PLAC1: variants seen among roughly 807,000 people sequenced by gnomAD.
The protein encoded by PLAC1 is placenta associated 1, also known as placenta-specific protein 1.
For missense variants in PLAC1, 136 were observed against 163.2 expected (o/e 0.83, Z 0.91); for synonymous variants, 68 against 62.1 (o/e 1.09, Z -0.44).
chrX:134,722,929 T>A (rs1050164967), intron 2 of PLAC1, among the ~76,000 whole-genome samples: 3 of 109,512 alleles, frequency 2.7e-5, no homozygotes, highest in Non-Finnish European at 5.7e-5. Context: ...GAGGACTGTT[T>A]GAGTCCAGGA....
intron 1 of PLAC1, among the ~76,000 whole-genome samples, chrX:134,608,847 T>G (rs2078137096): frequency 9.2e-6 from 1 of 109,278 alleles, no homozygotes; most frequent in African/African-American, 3.3e-5. Context: ...GGCTAATTTT[T>G]TATATTTTAG....
In PLAC1 at chrX:134,729,792, T is replaced by G. The variant is rs761523726; in HGVS notation, n.174+3643A>C. Among the ~76,000 whole-genome samples, 107 of 111,699 alleles carry G rather than the reference T, an allele frequency of 9.6e-4. 1 individual carries two copies. Among genetic ancestry groups the G allele is most frequent in the African/African-American group, 2.7e-3 (84 of 30,711 alleles). On this transcript the variant is annotated intron_variant and non_coding_transcript_variant, in intron 2 of 2. Coordinates refer to the PLAC1 transcript ENST00000466797. ...TTCTTTTTCTTTCTTTCTATCTTTT[T>G]TTTTGTTTTGTTTTTCGAGACGGAG...
intron 1 of PLAC1, among the ~76,000 whole-genome samples, chrX:134,740,008 G>A (rs1050474615): frequency 1.8e-5 from 2 of 111,659 alleles, no homozygotes; most frequent in African/African-American, 3.3e-5. Flanking sequence ...TTCAAAAGTC[G>A]AATGGATCAT....
chrX:134,618,809 A>G (rs952573645), intron 1 of PLAC1, among the ~76,000 whole-genome samples: 32 of 111,794 alleles, frequency 2.9e-4, no homozygotes, highest in Non-Finnish European at 1.1e-4. Context: ...TGACTTTCCC[A>G]AGGTCACAGA....
chrX:134,662,837 G>A (rs1388545940), upstream of PLAC1, among the ~76,000 whole-genome samples: 2 of 111,800 alleles, frequency 1.8e-5, no homozygotes, highest in East Asian at 2.8e-4. Context: ...GCTGAGGCAG[G>A]AGAATTGCTT....
rs552144561 is a variant in PLAC1, at chrX:134,612,794, G to A, written c.-130-10672C>T. ...ATGAATGTATTGGTACCTTTGCTTTGCCCTGCCCCTGAGCCGGAGTAGCTG... is the reference window on the plus strand; with the variant it reads ...ATGAATGTATTGGTACCTTTGCTTTACCCTGCCCCTGAGCCGGAGTAGCTG... On this transcript the variant is annotated intron_variant, in intron 1 of 2. Transcript: ENST00000359237. Among the ~76,000 whole-genome samples the A allele has an allele frequency of 2.4e-4, 27 of 111,038 alleles. No individual in the cohort carries two copies. The South Asian group carries it at 9.8e-3, about 40-fold the overall frequency.
chrX:134,682,620 C>T (rs933302982), intron 2 of PLAC1, among the ~76,000 whole-genome samples: 1 of 109,931 alleles, frequency 9.1e-6, no homozygotes, highest in Non-Finnish European at 1.9e-5. Flanking sequence ...GGCACGATCT[C>T]GGCTCACTGC....
intron 2 of PLAC1, among the ~76,000 whole-genome samples, chrX:134,722,995 C>T (rs2078662903): frequency 9.3e-6 from 1 of 107,924 alleles, no homozygotes; most frequent in South Asian, 3.9e-4. Context: ...AAAAAAAAGA[C>T]GTGATTCTGA....
rs182018067 is a variant in PLAC1 at position 134,756,743 on chromosome X, G to A, written n.89+7491C>T. ...GGGTGCCTGTAGTCCCAGCTACTCA[G>A]GAGGCTGAGGCAGGAGAATGGCGTG... On this transcript the variant is annotated intron_variant and non_coding_transcript_variant, in intron 1 of 2. Transcript: ENST00000466797. 7.2e-3 allele frequency among the ~76,000 whole-genome samples: 791 copies of A among 109,417 alleles called. 6 individuals carry two copies. Among genetic ancestry groups the A allele is most frequent in the Non-Finnish European group, 9.3e-3 (487 of 52,530 alleles).
chrX:134,604,980 A>G lies in PLAC1; in HGVS notation c.-130-2858T>C, dbSNP rs1158262781. ...GTCAGAGCAGGCATTTTCAGGCAGC[A>G]CCCCCACCCCTGCACCCCCCATTGG... On this transcript the variant is annotated intron_variant, in intron 1 of 2. Coordinates refer to ENST00000359237, the MANE Select transcript of PLAC1 (RefSeq NM_021796.4). Among the ~76,000 whole-genome samples the G allele has an allele frequency of 4.5e-5, 5 of 110,600 alleles. No individual in the cohort carries two copies. In the Admixed American group the frequency reaches 4.8e-4, roughly 11 times the overall value.
intron 2 of PLAC1, among the ~76,000 whole-genome samples, 165 bp from the exon 3 acceptor site, chrX:134,566,905 TA>T (rs1209095022): frequency 8.9e-6 from 1 of 112,566 alleles, no homozygotes; most frequent in East Asian, 2.8e-4. Flanking sequence ...CTCACGTGTT[TA>T]TGGACGATTA....
intron 1 of PLAC1, among the ~76,000 whole-genome samples, chrX:134,653,529 A>T: frequency 9.0e-6 from 1 of 111,593 alleles, no homozygotes; most frequent in Admixed American, 9.5e-5. Flanking sequence ...CTAAAATGAC[A>T]TTGGGCCTTG....
In PLAC1 at chrX:134,594,870, C is replaced by A. The variant is rs775592855; in HGVS notation, c.-59+7181G>T. 1.1e-4 allele frequency among the ~76,000 whole-genome samples: 12 copies of A among 106,541 alleles called. No individual in the cohort carries two copies. In the South Asian group the frequency reaches 4.9e-3, roughly 44 times the overall value. 92.5% of individuals were successfully genotyped at this position (106,541 alleles called of 115,157 possible). A position where few individuals can be genotyped will look rare whatever the true frequency, so the allele number is the denominator to read the frequency against. On this transcript the variant is annotated intron_variant, in intron 2 of 2. Transcript: ENST00000359237. ...TTGTTTTCCTTTTTTTCAATTTCAA[C>A]TCTTATCTTTATTATTTCCTTCCTT... is the stretch of plus-strand genomic sequence containing the variant.
At chrX:134,762,821 C>CAAAAAAAAA (rs60721487) in intron 1 of PLAC1, among the ~76,000 whole-genome samples, 24 of 14,823 alleles carry the variant, frequency 1.6e-3, no homozygotes, top group Non-Finnish European at 2.6e-3. Flanking sequence ...GGCTCTATCT[C>CAAAAAAAAA]AAAAAAAAAA....
intron 1 of PLAC1, among the ~76,000 whole-genome samples, chrX:134,616,148 T>TA (rs1251489225): frequency 1.8e-5 from 2 of 110,213 alleles, no homozygotes; most frequent in African/African-American, 6.6e-5. Context: ...CCCAGCTAAT[T>TA]AAAAAAATTA....
intron 2 of PLAC1, among the ~76,000 whole-genome samples, chrX:134,711,129 C>T (rs1045176665): frequency 1.8e-5 from 2 of 111,757 alleles, no homozygotes; most frequent in African/African-American, 6.5e-5. Context: ...CTTCAAAGGG[C>T]ATCATTTTCC....
At chrX:134,729,705 G>A (rs73568718) in intron 2 of PLAC1, among the ~76,000 whole-genome samples, 163 of 112,165 alleles carry the variant, frequency 1.5e-3, no homozygotes, top group African/African-American at 5.0e-3. Flanking sequence ...CTGAAACAAA[G>A]GCCCAGAAAA....
rs191868199 is a variant in PLAC1 at position 134,590,540 on chromosome X, C to T, written c.-59+11511G>A. 3.6e-3 allele frequency among the ~76,000 whole-genome samples: 400 copies of T among 112,246 alleles called. 4 individuals are homozygous for T. Among genetic ancestry groups the T allele is most frequent in the Admixed American group, 0.035 (367 of 10,630 alleles). On this transcript the variant is annotated intron_variant, in intron 2 of 2. Transcript: ENST00000359237. ...CGATAAATGATACAAGGGTTATATG[C>T]AAGTGTTATAATAAAGAATGCATAA... is the stretch of plus-strand genomic sequence containing the variant.
At chrX:134,589,792 C>T (rs1179019415) in intron 2 of PLAC1, among the ~76,000 whole-genome samples, 1 of 110,100 alleles carries the variant, frequency 9.1e-6, no homozygotes, top group Non-Finnish European at 1.9e-5. Flanking sequence ...GCTTTCCTAT[C>T]ATTAGTCCAT....
Sources: gnomAD v4.1 joint callset for allele counts (sites outside exome capture counted in the v4.1 genomes callset) on GRCh38, gnomAD v4.1.1 for gene constraint, MANE v1.5 for transcripts, NCBI Gene and HGNC (gene_info 2026-07-23, HGNC 2026-07-21) for gene names.